MAGI2: variants seen among roughly 807,000 people sequenced by gnomAD.
MAGI2 encodes the protein membrane-associated guanylate kinase, WW and PDZ domain-containing protein 2.
A neutral mutation model predicts 133.3 loss-of-function variants in MAGI2; 35 were observed. The observed-to-expected ratio is 0.26, with a 90% confidence interval of 0.20 to 0.35. The LOEUF is 0.35. MAGI2 is among the 10% of genes least tolerant of loss of function. MAGI2 has a pLI of 1.00. For synonymous variants in MAGI2, 729 were observed against 710.6 expected, an observed-to-expected ratio of 1.03 and a Z score of -0.41; for missense variants, 1,636 against 1,863.4, an observed-to-expected ratio of 0.88 and a Z score of 2.25.
At chr7:78,979,804 C>T (rs376210823) in intron 2 of MAGI2, among the ~76,000 whole-genome samples, 9 of 151,904 alleles carry the variant, frequency 5.9e-5, no homozygotes, top group Non-Finnish European at 1.0e-4. Context: ...AACACACTAA[C>T]GGAAAATGTT....
intron 21 of MAGI2, among the ~76,000 whole-genome samples, chr7:78,039,174 A>T (rs1810543911): frequency 6.6e-6 from 1 of 152,118 alleles, no homozygotes; most frequent in Non-Finnish European, 1.5e-5. Context: ...TCTCTCTTTG[A>T]CTGGCAATAA....
In MAGI2 at chr7:78,159,259, A is replaced by G. The variant is rs146908956; in HGVS notation, c.2845+766T>C. ...AATGTGAAGCCATTGGGCAGTTACA[A>G]AGTCACCAGTGTCTCTGAACCTACA... On this transcript the variant is annotated intron_variant, in intron 16 of 21. Coordinates refer to ENST00000354212, the MANE Select transcript of MAGI2 (RefSeq NM_012301.4). Among the ~76,000 whole-genome samples the G allele has an allele frequency of 1.2e-4, 19 of 152,284 alleles. No homozygotes were observed. The East Asian group carries it at 3.7e-3, about 29-fold the overall frequency.
chr7:78,609,696 G>A (rs1231522362), intron 3 of MAGI2, among the ~76,000 whole-genome samples: 1 of 152,140 alleles, frequency 6.6e-6, no homozygotes, highest in East Asian at 1.9e-4. Context: ...AGTCCTGCCT[G>A]GATTGGGCTG....
At chr7:79,309,464 C>T (rs1484926951) in intron 1 of MAGI2, among the ~76,000 whole-genome samples, 1 of 151,334 alleles carries the variant, frequency 6.6e-6, no homozygotes, top group African/African-American at 2.4e-5. Context: ...TTATTCCATT[C>T]AATTTTCTGC....
chr7:78,172,643 G>T (rs191338281), intron 14 of MAGI2, among the ~76,000 whole-genome samples: 26 of 152,326 alleles, frequency 1.7e-4, no homozygotes, highest in African/African-American at 4.8e-4. Context: ...GCTGAAAGCC[G>T]TGCTGTTGTG....
At chr7:78,932,610 T>C (rs141651924) in intron 2 of MAGI2, among the ~76,000 whole-genome samples, 3 of 152,088 alleles carry the variant, frequency 2.0e-5, no homozygotes, top group Admixed American at 6.6e-5. Flanking sequence ...CTTAATGGCA[T>C]GCAGATCATG....
At chr7:79,071,881 C>A (rs1815020349) in intron 1 of MAGI2, among the ~76,000 whole-genome samples, 1 of 152,160 alleles carries the variant, frequency 6.6e-6, no homozygotes, top group African/African-American at 2.4e-5. Context: ...GCCTGTGGAT[C>A]TTAGCTTACT....
chr7:79,158,973 C>G (rs1373503767), intron 1 of MAGI2, among the ~76,000 whole-genome samples: 3 of 151,732 alleles, frequency 2.0e-5, no homozygotes, highest in East Asian at 3.9e-4. Context: ...ATACCTTTTA[C>G]CTTGTTTATA....
intron 1 of MAGI2, among the ~76,000 whole-genome samples, chr7:79,400,169 C>A (rs978189140): frequency 3.3e-5 from 5 of 152,090 alleles, no homozygotes; most frequent in Non-Finnish European, 5.9e-5. Flanking sequence ...GAAGGGCTCC[C>A]ACCAAATGAT....
intron 2 of MAGI2, among the ~76,000 whole-genome samples, chr7:78,820,007 T>C (rs1789948426): frequency 6.6e-6 from 1 of 151,984 alleles, no homozygotes; most frequent in Non-Finnish European, 1.5e-5. Context: ...GCTAAGTCCA[T>C]GTATGTGGGC....
intron 5 of MAGI2, among the ~76,000 whole-genome samples, chr7:78,495,847 C>A (rs1361570367): frequency 6.6e-6 from 1 of 151,888 alleles, no homozygotes; most frequent in African/African-American, 2.4e-5. Flanking sequence ...TATTTTCTGT[C>A]TGGAAATTAC....
rs557611961 is a variant in MAGI2, at chr7:78,859,367, G to A, written c.418+147723C>T. Among the ~76,000 whole-genome samples, 38 of 152,172 alleles carry A rather than the reference G, an allele frequency of 2.5e-4. No individual in the cohort carries two copies. The South Asian group carries it at 6.6e-3, about 27-fold the overall frequency. On this transcript the variant is annotated intron_variant, in intron 2 of 21. Transcript: ENST00000354212. ...CTTTACAATTTGGCATGTTGTTGCA[G>A]TGGCTGGTATCAGTTGTTCCTTTCC...
At chr7:78,503,346 A>C (rs1794784169) in intron 4 of MAGI2, among the ~76,000 whole-genome samples, 3 of 152,042 alleles carry the variant, frequency 2.0e-5, no homozygotes, top group East Asian at 3.9e-4. Context: ...GGAGAAAATA[A>C]AAGGTAGGAA....
At chr7:78,472,720 A>G (rs1290790663) in intron 6 of MAGI2, among the ~76,000 whole-genome samples, 1 of 152,152 alleles carries the variant, frequency 6.6e-6, no homozygotes, top group African/African-American at 2.4e-5. Context: ...TCCTCTAAGC[A>G]TGAATTCCCA....
chr7:78,594,090 C>T (rs1563217066), intron 3 of MAGI2, among the ~76,000 whole-genome samples: 1 of 152,302 alleles, frequency 6.6e-6, no homozygotes, highest in South Asian at 2.1e-4. Flanking sequence ...CTAGTCAACA[C>T]CATCTCCTTC....
chr7:79,193,129 AG>A (rs1390584836), intron 1 of MAGI2, among the ~76,000 whole-genome samples: 1 of 151,962 alleles, frequency 6.6e-6, no homozygotes, highest in East Asian at 1.9e-4. Context: ...TGTAGAATCC[AG>A]ATAGGACACA....
chr7:78,038,551 C>T (rs555597234), intron 21 of MAGI2, among the ~76,000 whole-genome samples: 120 of 147,480 alleles, frequency 8.1e-4, no homozygotes, highest in South Asian at 4.5e-3. Flanking sequence ...TGGACCACAT[C>T]ACCTGAGAAC....
intron 20 of MAGI2, among the ~76,000 whole-genome samples, chr7:78,123,000 C>T (rs1820612494): frequency 6.6e-6 from 1 of 152,116 alleles, no homozygotes; most frequent in South Asian, 2.1e-4. Context: ...TTATAAACAG[C>T]TCCAGTAATA....
In MAGI2 at chr7:78,108,738, A is replaced by T. The variant is rs1818982497; in HGVS notation, c.3567+16956T>A. ...TATATATGTGTGTGTATACACACAC[A>T]TATGTGAGTGTATATACGTGAGTGT... On this transcript the variant is annotated intron_variant, in intron 20 of 21. Transcript: ENST00000354212. Among the ~76,000 whole-genome samples the T allele has an allele frequency of 3.1e-5, 4 of 128,068 alleles. No individual in the cohort carries two copies. In the South Asian group the frequency reaches 1.0e-3, roughly 33 times the overall value. 84.0% of individuals were successfully genotyped at this position (128,068 alleles called of 152,430 possible). A position where few individuals can be genotyped will look rare whatever the true frequency, so the allele number is the denominator to read the frequency against.
Sources: gnomAD v4.1 joint callset for allele counts (sites outside exome capture counted in the v4.1 genomes callset) on GRCh38, gnomAD v4.1.1 for gene constraint, MANE v1.5 for transcripts, NCBI Gene and HGNC (gene_info 2026-07-23, HGNC 2026-07-21) for gene names.